Variants in ZBTB34 observed in about 807,000 individuals in gnomAD.
ZBTB34 encodes the protein zinc finger and BTB domain containing 34, also known as zinc finger and BTB domain-containing protein 34.
ZBTB34 carries 1 observed loss-of-function variant against 33.4 expected under a neutral mutation model. The ratio of observed to expected loss-of-function variants is 0.03; its 90% CI spans 0.01 to 0.14. ZBTB34 has a LOEUF of 0.14. ZBTB34 is among the 10% of genes least tolerant of loss of function. ZBTB34 has a pLI of 1.00. For synonymous variants in ZBTB34, 283 were observed against 253.5 expected (o/e 1.12, Z -1.11); for missense variants, 406 against 657.2 (o/e 0.62, Z 4.18).
chr9:126,879,307 A>G lies in ZBTB34; in HGVS notation c.-10-83A>G, dbSNP rs746653656. On this transcript the variant is annotated intron_variant, in intron 1 of 1. Coordinates refer to ENST00000319119, the Ensembl canonical transcript of ZBTB34. This position sits in a 1 kb window ranked among gnomAD's most constrained non-coding sequence, Gnocchi z 6.4. ...TAGGAGGTATGATAGCCACAATGGTATTGTTGTTGTAAGCTTGTGTTTATG... is the reference window on the plus strand; with the variant it reads ...TAGGAGGTATGATAGCCACAATGGTGTTGTTGTTGTAAGCTTGTGTTTATG... 196 of 1,090,516 alleles carry G rather than the reference A, an allele frequency of 1.8e-4. 1 individual carries two copies. The highest frequency in any genetic ancestry group is 2.0e-4 in the Non-Finnish European group (148 of 750,240). The allele number at this position is 1,090,516 out of a possible 1,614,324, so 67.6% of individuals were successfully genotyped here.
intron 1 of ZBTB34, among the ~76,000 whole-genome samples, chr9:126,861,269 C>G (rs967333048): frequency 2.0e-5 from 3 of 152,194 alleles, no homozygotes; most frequent in African/African-American, 7.2e-5. Flanking sequence ...TTGCGCTTGG[C>G]CCCAGACGTC....
In ZBTB34 at chr9:126,880,759, A is replaced by AACC; in HGVS notation, c.1364_1366dup (p.His455dup). Reference sequence around the variant, plus strand: ...TACCCTCAACCAGCACTTGCGGAAAAACCACCCAGGCGTTGCTGAAGTCAG... The same window carrying AACC: ...TACCCTCAACCAGCACTTGCGGAAAAACCACCACCCAGGCGTTGCTGAAGTCAG... On this transcript the variant is annotated inframe_insertion, in exon 2 of 2. Coordinates refer to ENST00000319119, the Ensembl canonical transcript of ZBTB34. This position sits in a 1 kb window ranked among gnomAD's most constrained non-coding sequence, Gnocchi z 6.7. 2 of 1,613,742 alleles carry AACC rather than the reference A, an allele frequency of 1.2e-6. No homozygotes were observed. The highest frequency in any genetic ancestry group is 1.7e-6 in the Non-Finnish European group (2 of 1,179,866).
chr9:126,868,152 G>A (rs889082110), intron 1 of ZBTB34, among the ~76,000 whole-genome samples: 1 of 151,884 alleles, frequency 6.6e-6, no homozygotes, highest in African/African-American at 2.4e-5. Flanking sequence ...AAGCCCCTTT[G>A]GGTAAAATGC....
intron 1 of ZBTB34, among the ~76,000 whole-genome samples, chr9:126,874,742 T>C (rs933614624): frequency 1.3e-5 from 2 of 152,182 alleles, no homozygotes; most frequent in Admixed American, 6.6e-5. Flanking sequence ...CAACCCTTTG[T>C]ACGTGTGATT....
At chr9:126,863,436 C>G (rs1358916914) in intron 1 of ZBTB34, among the ~76,000 whole-genome samples, 1 of 152,168 alleles carries the variant, frequency 6.6e-6, no homozygotes, top group Non-Finnish European at 1.5e-5. Context: ...ACCGCTGTGT[C>G]CCCCCACTTT....
intron 1 of ZBTB34, among the ~76,000 whole-genome samples, chr9:126,871,913 C>T (rs1322355691): frequency 4.0e-5 from 6 of 151,496 alleles, no homozygotes; most frequent in Admixed American, 6.6e-5. Flanking sequence ...GCCAAGAATT[C>T]GAGACCAGCC....
intron 1 of ZBTB34, among the ~76,000 whole-genome samples, chr9:126,866,788 T>C (rs1183507249): frequency 3.3e-5 from 5 of 152,112 alleles, no homozygotes; most frequent in African/African-American, 1.2e-4. Context: ...AAAATTTTAG[T>C]GAGAATAATA....
chr9:126,868,959 G>T (rs150474443), intron 1 of ZBTB34, among the ~76,000 whole-genome samples: 1,767 of 152,116 alleles, frequency 0.012, 17 homozygotes, highest in Non-Finnish European at 0.019. Flanking sequence ...CATGATACAC[G>T]GTGGCCGCGG....
rs368846258 is a variant in ZBTB34 at position 126,880,032 on chromosome 9, C to T, written c.633C>T (p.Ser211=). 66 of 1,613,594 alleles carry T rather than the reference C, an allele frequency of 4.1e-5. No individual in the cohort carries two copies. The highest frequency in any genetic ancestry group is 5.2e-5 in the Non-Finnish European group (61 of 1,179,852). ...ACTCAGACCGCGGGAGCAGTGGGAG[C>T]GTTTCTGAATATGAGATTCAGATAG... Residue 211 remains serine (S), a synonymous_variant, in exon 2 of 2, where the codon AGC becomes AGT. Transcript: ENST00000319119. The surrounding 1 kb of genome is among the most constrained non-coding windows in gnomAD (Gnocchi z 6.7).
At chr9:126,871,298 C>T (rs1331593782) in intron 1 of ZBTB34, among the ~76,000 whole-genome samples, 1 of 150,826 alleles carries the variant, frequency 6.6e-6, no homozygotes. Context: ...TATAGCCATC[C>T]ATGGAATACT....
rs369275728 is a variant in ZBTB34 at position 126,879,513 on chromosome 9, C to T, written c.114C>T (p.Ile38=). 3.0e-4 allele frequency: 489 copies of T among 1,613,796 alleles called. No homozygotes were observed. Among genetic ancestry groups the T allele is most frequent in the Non-Finnish European group, 4.0e-4 (476 of 1,179,880 alleles). ...GCCTGCAGGGGAAACTATGTGACAT[C>T]ATTGTACACATTCAGGGTCAGCCAT... Residue 38 remains isoleucine, a synonymous_variant, in exon 2 of 2, where the codon ATC becomes ATT. Transcript: ENST00000319119. This position sits in a 1 kb window ranked among gnomAD's most constrained non-coding sequence, Gnocchi z 6.4.
chr9:126,875,337 G>A (rs1333649538), intron 1 of ZBTB34, among the ~76,000 whole-genome samples: 1 of 151,964 alleles, frequency 6.6e-6, no homozygotes, highest in Non-Finnish European at 1.5e-5. Flanking sequence ...TATTTATGTT[G>A]GACCACAATG....
intron 1 of ZBTB34, among the ~76,000 whole-genome samples, chr9:126,862,746 C>T (rs976908209): frequency 2.6e-5 from 4 of 152,112 alleles, no homozygotes; most frequent in Non-Finnish European, 5.9e-5. Flanking sequence ...GGCTGTTGAA[C>T]TTGTTCTTGT....
chr9:126,861,304 G>T (rs906861997), intron 1 of ZBTB34, among the ~76,000 whole-genome samples: 1 of 152,160 alleles, frequency 6.6e-6, no homozygotes, highest in African/African-American at 2.4e-5. Context: ...CGCTCAGTTG[G>T]TCCTGCCATT....
At chr9:126,868,383 C>A (rs1280638705) in intron 1 of ZBTB34, among the ~76,000 whole-genome samples, 1 of 152,140 alleles carries the variant, frequency 6.6e-6, no homozygotes, top group Non-Finnish European at 1.5e-5. Flanking sequence ...CCAGAGCCCC[C>A]GCTTTGGCTT....
In ZBTB34 at chr9:126,879,791, C is replaced by A. The variant is rs1296167073; in HGVS notation, c.392C>A (p.Ser131Tyr). ...ACGCAGATCCTAGAGAGCATCCATT[C>A]CAAAATCAGCGTTGGAGATGTTGAC... The change falls in exon 2 of 2, where the codon TCC (serine) becomes TAC (tyrosine). Residue 131 changes from serine to tyrosine, a missense_variant. Transcript: ENST00000319119. This position sits in a 1 kb window ranked among gnomAD's most constrained non-coding sequence, Gnocchi z 6.4. 4 of 1,613,374 alleles carry A rather than the reference C, an allele frequency of 2.5e-6. No individual in the cohort carries two copies. Among genetic ancestry groups the A allele is most frequent in the Non-Finnish European group, 3.4e-6 (4 of 1,179,892 alleles).
chr9:126,881,011 C>A, exon 2 of ZBTB34: 1 of 1,326,658 alleles, frequency 7.5e-7, no homozygotes, highest in Non-Finnish European at 1.0e-6. Flanking sequence ...ATCTGGAAAT[C>A]TCTTGGTCTC....
At chr9:126,873,339 T>C (rs2033306210) in intron 1 of ZBTB34, among the ~76,000 whole-genome samples, 1 of 151,898 alleles carries the variant, frequency 6.6e-6, no homozygotes, top group Non-Finnish European at 1.5e-5. Flanking sequence ...TCTCAGCTCA[T>C]TGTAACCTTG....
intron 1 of ZBTB34, among the ~76,000 whole-genome samples, chr9:126,873,519 C>T (rs1049153219): frequency 6.6e-6 from 1 of 152,200 alleles, no homozygotes; most frequent in Admixed American, 6.5e-5. Context: ...CTAACTCGGC[C>T]TCCCAAAGTG....
Sources: allele counts gnomAD v4.1 joint callset (sites outside exome capture counted in the v4.1 genomes callset), GRCh38; gene constraint gnomAD v4.1.1; non-coding constraint Gnocchi (gnomAD v3.1); transcripts MANE v1.5; gene names NCBI Gene and HGNC (gene_info 2026-07-23, HGNC 2026-07-21).